DEPDC1: variants seen among roughly 807,000 people sequenced by gnomAD.
The protein encoded by DEPDC1 is DEP domain containing 1.
Under a neutral mutation model 86.8 loss-of-function variants are expected in DEPDC1, and 66 were observed. The ratio of observed to expected loss-of-function variants is 0.76; its 90% CI spans 0.62 to 0.93. The LOEUF is 0.93. DEPDC1 is among the 40% of genes least tolerant of loss of function. The pLI is 0.00. For synonymous variants in DEPDC1, 255 were observed against 314.9 expected, an observed-to-expected ratio of 0.81 and a Z score of 2.02; for missense variants, 792 against 935.7, an observed-to-expected ratio of 0.85 and a Z score of 2.00.
chr1:68,478,736 G>T (rs1646133784), intron 10 of DEPDC1, among the ~76,000 whole-genome samples: 2 of 151,934 alleles, frequency 1.3e-5, no homozygotes, highest in Admixed American at 1.3e-4. Flanking sequence ...GAACCAATCA[G>T]AGTAAGGCCC....
rs1276857755 is a variant in DEPDC1 at position 68,474,200 on chromosome 1, G to A, written c.*2732C>T. On this transcript the variant is annotated 3_prime_UTR_variant, in exon 12 of 12. Coordinates refer to ENST00000456315, the MANE Select transcript of DEPDC1 (RefSeq NM_001114120.3). Reference sequence around the variant, plus strand: ...AGTAGAGATCTTAAACTCAATACAAGGCAAGAGGAAAGGACATAAAAATCA... The same window carrying A: ...AGTAGAGATCTTAAACTCAATACAAAGCAAGAGGAAAGGACATAAAAATCA... 6.6e-6 allele frequency: 1 copy of A among 151,990 alleles called. No homozygotes were observed. The highest frequency in any genetic ancestry group is 1.9e-4 in the East Asian group (1 of 5,182). 9.4% of individuals were successfully genotyped at this position (151,990 alleles called of 1,614,324 possible).
Position 68,482,495 on chromosome 1 carries a change from G to A in DEPDC1, c.1313C>T (p.Ser438Phe). The A allele has an allele frequency of 6.2e-7, 1 of 1,613,020 alleles. No individual in the cohort carries two copies. Among genetic ancestry groups the A allele is most frequent in the Non-Finnish European group, 8.5e-7 (1 of 1,179,316 alleles). Residue 438 changes from serine to phenylalanine, a missense_variant, in exon 8 of 12, where the codon TCC becomes TTC. Transcript: ENST00000456315. ...DVPGNSSKEA[S>F]SVFHQSFPNI... ...CGGAAAAGATTGATGAAAGACACTG[G>A]ATGCCTCTTTACTTGAATTCCCTGG...
rs954568890 is a variant in DEPDC1 at position 68,474,182 on chromosome 1, A to G, written c.*2750T>C. Reference sequence around the variant, plus strand: ...AGCAAAAGAGTTTTAATCAGTAGAGATCTTAAACTCAATACAAGGCAAGAG... The same window carrying G: ...AGCAAAAGAGTTTTAATCAGTAGAGGTCTTAAACTCAATACAAGGCAAGAG... On this transcript the variant is annotated 3_prime_UTR_variant, in exon 12 of 12. Transcript: ENST00000456315. 5.9e-5 allele frequency: 9 copies of G among 152,156 alleles called. No homozygotes were observed. Among genetic ancestry groups the G allele is most frequent in the African/African-American group, 2.2e-4 (9 of 41,444 alleles). 9.4% of individuals were successfully genotyped at this position (152,156 alleles called of 1,614,324 possible).
chr1:68,479,527 G>T (rs1646139420), intron 9 of DEPDC1, among the ~76,000 whole-genome samples: 1 of 152,006 alleles, frequency 6.6e-6, no homozygotes, highest in Admixed American at 6.6e-5. Flanking sequence ...CCATGGCTGA[G>T]CATGGTGGTT....
intron 4 of DEPDC1, 81 bp from the exon 5 acceptor site, chr1:68,488,585 A>T: frequency 8.2e-7 from 1 of 1,216,092 alleles, no homozygotes; most frequent in Non-Finnish European, 1.1e-6. Context: ...CAAAGCCATC[A>T]GAATATTTTA....
At chr1:68,488,639 T>G (rs1646209415) in intron 4 of DEPDC1, 135 bp from the exon 5 acceptor site, 1 of 733,336 alleles carries the variant, frequency 1.4e-6, no homozygotes, top group Non-Finnish European at 2.2e-6. Context: ...GTATCCCCTT[T>G]CAAATACATT....
At chr1:68,478,950 A>T (rs12759438) in intron 10 of DEPDC1, among the ~76,000 whole-genome samples, 194 bp downstream of exon 10, 17,391 of 151,944 alleles carry the variant, frequency 0.11, 1,162 homozygotes, top group Non-Finnish European at 0.15. Flanking sequence ...ACACAGGATC[A>T]ACACAGAAAT....
intron 2 of DEPDC1, among the ~76,000 whole-genome samples, chr1:68,490,489 A>G (rs1646222734): frequency 6.6e-6 from 1 of 152,074 alleles, no homozygotes; most frequent in African/African-American, 2.4e-5. Flanking sequence ...CATTTTCTTC[A>G]TCCAGTATAC....
Position 68,474,830 on chromosome 1 carries a change from G to C in DEPDC1, c.*2102C>G, listed in dbSNP as rs1646104036. On this transcript the variant is annotated 3_prime_UTR_variant, in exon 12 of 12. Coordinates refer to ENST00000456315, the MANE Select transcript of DEPDC1 (RefSeq NM_001114120.3). Reference sequence around the variant, plus strand: ...TGACTAGATTAAAAAATTTCAACCAGTAGGCATAATCAGAACCTTTGTCTC... The same window carrying C: ...TGACTAGATTAAAAAATTTCAACCACTAGGCATAATCAGAACCTTTGTCTC... The C allele has an allele frequency of 6.6e-6, 1 of 151,916 alleles. No homozygotes were observed. Among genetic ancestry groups the C allele is most frequent in the African/African-American group, 2.4e-5 (1 of 41,408 alleles). 9.4% of individuals were successfully genotyped at this position (151,916 alleles called of 1,614,324 possible). A position where few individuals can be genotyped will look rare whatever the true frequency, so the allele number is the denominator to read the frequency against.
chr1:68,484,733 C>A (rs1371361755), intron 6 of DEPDC1, among the ~76,000 whole-genome samples: 1 of 151,914 alleles, frequency 6.6e-6, no homozygotes, highest in African/African-American at 2.4e-5. Flanking sequence ...ACTTTTAAAG[C>A]TACAACAACA....
In DEPDC1 at chr1:68,476,859, A is replaced by T; in HGVS notation, c.*73T>A. The T allele has an allele frequency of 7.8e-7, 1 of 1,280,952 alleles. No individual in the cohort carries two copies. The highest frequency in any genetic ancestry group is 1.1e-6 in the Non-Finnish European group (1 of 948,454). The allele number at this position is 1,280,952 out of a possible 1,614,324, so 79.3% of individuals were successfully genotyped here. Reference sequence around the variant, plus strand: ...CTTATTAATGACAGACTTCCTTTTGAGTAGCTACATTCTCAGATATGGCTT... The same window carrying T: ...CTTATTAATGACAGACTTCCTTTTGTGTAGCTACATTCTCAGATATGGCTT... On this transcript the variant is annotated 3_prime_UTR_variant, in exon 12 of 12. Transcript: ENST00000456315.
intron 4 of DEPDC1, 127 bp from the exon 5 acceptor site, chr1:68,488,631 A>G: frequency 2.6e-6 from 2 of 779,794 alleles, no homozygotes; most frequent in Non-Finnish European, 2.0e-6. Flanking sequence ...TATATTTAGT[A>G]TCCCCTTTCA....
At chr1:68,488,638 T>A in intron 4 of DEPDC1, 134 bp from the exon 5 acceptor site, 1 of 731,562 alleles carries the variant, frequency 1.4e-6, no homozygotes, top group Non-Finnish European at 2.2e-6. Context: ...AGTATCCCCT[T>A]TCAAATACAT....
At chr1:68,483,371 G>C (rs1384411472) in intron 7 of DEPDC1, 2 of 499,392 alleles carry the variant, frequency 4.0e-6, no homozygotes, top group Non-Finnish European at 7.9e-6. Flanking sequence ...TTCATGCTAA[G>C]GTAACTGAGG....
At chr1:68,487,060 G>T in intron 5 of DEPDC1, 76 bp from the exon 6 acceptor site, 1 of 1,340,942 alleles carries the variant, frequency 7.5e-7, no homozygotes. Flanking sequence ...TCACACTTAC[G>T]TGCAATTATA....
At chr1:68,487,389 C>T (rs1200149431) in intron 5 of DEPDC1, among the ~76,000 whole-genome samples, 1 of 151,864 alleles carries the variant, frequency 6.6e-6, no homozygotes, top group Non-Finnish European at 1.5e-5. Context: ...TGGGTGAGAC[C>T]TAAGATTGAA....
chr1:68,483,108 A>G (rs943535834), intron 7 of DEPDC1: 1 of 580,498 alleles, frequency 1.7e-6, no homozygotes, highest in Non-Finnish European at 3.0e-6. Context: ...TGGTTTTCCC[A>G]TTTGTAATAT....
Position 68,479,320 on chromosome 1 carries a change from T to A in DEPDC1, c.1936A>T (p.Met646Leu). Reference sequence around the variant, plus strand: ...ACACATCGAGAAAAGGTATGTATCATCTAGAAAAATATTAAAAGATGTGAA... The same window carrying A: ...ACACATCGAGAAAAGGTATGTATCAACTAGAAAAATATTAAAAGATGTGAA... ...LHDAMGTRSL[M>L]IHTFSRCVLC... The change falls in exon 10 of 12, where the codon ATG (methionine) becomes TTG (leucine). Residue 646 changes from methionine (M) to leucine (L), a missense_variant and splice_region_variant. Transcript: ENST00000456315. The A allele has an allele frequency of 1.3e-6, 2 of 1,567,158 alleles. No individual in the cohort carries two copies. The highest frequency in any genetic ancestry group is 1.2e-5 in the South Asian group (1 of 83,038).
chr1:68,495,143 A>T (rs961878025), intron 1 of DEPDC1, among the ~76,000 whole-genome samples: 1 of 27,248 alleles, frequency 3.7e-5, no homozygotes, highest in African/African-American at 2.0e-4. Context: ...ACTCAGTCTC[A>T]AAAAAAAAAA....
Sources: allele counts gnomAD v4.1 joint callset (sites outside exome capture counted in the v4.1 genomes callset), GRCh38; gene constraint gnomAD v4.1.1; transcripts MANE v1.5; gene names NCBI Gene and HGNC (gene_info 2026-07-23, HGNC 2026-07-21).